Variants in RAPH1 observed in about 807,000 individuals in gnomAD.
RAPH1 encodes Ras association (RalGDS/AF-6) and pleckstrin homology domains 1, also known as ras-associated and pleckstrin homology domains-containing protein 1.
In RAPH1, 18 loss-of-function variants were observed where a neutral mutation model predicts 88.1. The observed-to-expected ratio is 0.20, with a 90% CI of 0.14 to 0.30. The LOEUF is 0.30. Among genes scored for constraint, RAPH1 ranks in the 10% least tolerant of loss-of-function variants. The pLI, the probability that RAPH1 is intolerant of heterozygous loss-of-function variation, is 1.00. For synonymous variants in RAPH1, 587 were observed against 559.0 expected (o/e 1.05, Z -0.71); for missense variants, 1,448 against 1,543.2 (o/e 0.94, Z 1.03).
chr2:203,486,061 G>GA (rs915560935), intron 4 of RAPH1, among the ~76,000 whole-genome samples: 39 of 110,986 alleles, frequency 3.5e-4, no homozygotes, highest in Non-Finnish European at 5.3e-4. Context: ...ACCAGCCTAG[G>GA]AAAAAAAACC....
intron 1 of RAPH1, among the ~76,000 whole-genome samples, chr2:203,499,424 CAAA>C (rs922725381): frequency 7.1e-6 from 1 of 139,950 alleles, no homozygotes; most frequent in Non-Finnish European, 1.6e-5. Context: ...TTAACAGCAA[CAAA>C]AAAAAAAAAA....
At chr2:203,444,784 C>T in intron 13 of RAPH1, 84 bp downstream of exon 13, 2 of 1,250,038 alleles carry the variant, frequency 1.6e-6, no homozygotes, top group South Asian at 1.4e-5. Context: ...AAATAAGATC[C>T]CCGATAAAGA....
intron 1 of RAPH1, among the ~76,000 whole-genome samples, chr2:203,521,018 G>A (rs1402028831): frequency 6.6e-6 from 1 of 152,266 alleles, no homozygotes; most frequent in Non-Finnish European, 1.5e-5. Flanking sequence ...CATAAATCAC[G>A]TCAATCATAT....
At chr2:203,461,981 A>C in intron 4 of RAPH1, 56 bp from the exon 5 acceptor site, 2 of 1,431,614 alleles carry the variant, frequency 1.4e-6, no homozygotes, top group Non-Finnish European at 9.7e-7. Flanking sequence ...ATATTTGAGA[A>C]ATCTTTTTTA....
At chr2:203,512,119 A>G (rs1029895566) in intron 1 of RAPH1, among the ~76,000 whole-genome samples, 1 of 151,960 alleles carries the variant, frequency 6.6e-6, no homozygotes, top group African/African-American at 2.4e-5. Flanking sequence ...TCCAAAAAAA[A>G]CAAAAAAGAA....
intron 1 of RAPH1, among the ~76,000 whole-genome samples, chr2:203,528,041 C>G (rs1173338522): frequency 6.6e-6 from 1 of 151,982 alleles, no homozygotes; most frequent in Non-Finnish European, 1.5e-5. Context: ...CATGGCAAAT[C>G]ATTTAAAAAA....
chr2:203,476,134 T>C (rs1687430199), intron 4 of RAPH1, among the ~76,000 whole-genome samples: 1 of 152,178 alleles, frequency 6.6e-6, no homozygotes, highest in Non-Finnish European at 1.5e-5. Context: ...TCCAAAATTT[T>C]AACAAGTAAT....
At chr2:203,486,340 T>C (rs1164218976) in intron 4 of RAPH1, among the ~76,000 whole-genome samples, 1 of 152,168 alleles carries the variant, frequency 6.6e-6, no homozygotes, top group Non-Finnish European at 1.5e-5. Flanking sequence ...ATTTCAAGTA[T>C]ATAGTCATTT....
intron 12 of RAPH1, chr2:203,445,854 T>C (rs962347982): frequency 1.3e-5 from 2 of 152,188 alleles, no homozygotes; most frequent in Non-Finnish European, 2.9e-5. Context: ...GATATCTACA[T>C]ATTAGATATT....
Position 203,448,545 on chromosome 2 carries a change from T to C in RAPH1, c.1512+193A>G, listed in dbSNP as rs1229467416. ...TTTACCAGCAATATTATTCCAAGTA[T>C]ACCAAATGTTAAAAGTTTATCCCTA... On this transcript the variant is annotated intron_variant, in intron 11 of 13. Transcript: ENST00000319170. This position sits in a 1 kb window ranked among gnomAD's most constrained non-coding sequence, Gnocchi z 4.1. 2.0e-5 allele frequency among the ~76,000 whole-genome samples: 3 copies of C among 152,184 alleles called. No individual in the cohort carries two copies. The highest frequency in any genetic ancestry group is 2.9e-5 in the Non-Finnish European group (2 of 68,032).
At chr2:203,478,485 GTTTT>G (rs145000897) in intron 4 of RAPH1, among the ~76,000 whole-genome samples, 2 of 149,582 alleles carry the variant, frequency 1.3e-5, no homozygotes, top group Non-Finnish European at 3.0e-5. Flanking sequence ...ATCATTTTTT[GTTTT>G]TTTTTGTTTT....
intron 12 of RAPH1, chr2:203,446,978 C>T (rs1299184333): frequency 6.6e-6 from 1 of 151,678 alleles, no homozygotes; most frequent in African/African-American, 2.4e-5. Context: ...TTTTGAACTA[C>T]TGGGCTCACG....
intron 1 of RAPH1, among the ~76,000 whole-genome samples, chr2:203,519,947 C>T (rs1002152389): frequency 6.6e-6 from 1 of 152,178 alleles, no homozygotes; most frequent in African/African-American, 2.4e-5. Context: ...TAAACAGAAA[C>T]AGTGCTTTTA....
Position 203,491,299 on chromosome 2 carries a change from G to A in RAPH1, c.141C>T (p.Pro47=). The A allele has an allele frequency of 3.7e-6, 6 of 1,611,460 alleles. No individual in the cohort carries two copies. The highest frequency in any genetic ancestry group is 5.1e-6 in the Non-Finnish European group (6 of 1,178,646). ...KLTQSLDSDK[P]MEPVKRSPLR... Reference sequence around the variant, plus strand: ...GAGGAGATCTTTTTACTGGTTCCATGGGCTTGTCAGAATCCAAACTCTTTA... The same window carrying A: ...GAGGAGATCTTTTTACTGGTTCCATAGGCTTGTCAGAATCCAAACTCTTTA... Residue 47 remains proline (P), a synonymous_variant, in exon 3 of 14, where the codon CCC becomes CCT. Coordinates refer to ENST00000319170, the MANE Select transcript of RAPH1 (RefSeq NM_213589.3).
At chr2:203,472,692 T>C (rs1405286223) in intron 4 of RAPH1, among the ~76,000 whole-genome samples, 1 of 152,214 alleles carries the variant, frequency 6.6e-6, no homozygotes, top group African/African-American at 2.4e-5. Context: ...TTCAGATCAT[T>C]ATATTTCAAA....
In RAPH1 at chr2:203,493,971, C is replaced by CAA. The variant is rs397937732; in HGVS notation, c.120+1261_120+1262dup. 3.3e-3 allele frequency among the ~76,000 whole-genome samples: 62 copies of CAA among 18,952 alleles called. 2 individuals carry two copies. The highest frequency in any genetic ancestry group is 6.2e-3 in the East Asian group (3 of 484). 12.4% of individuals were successfully genotyped at this position (18,952 alleles called of 152,430 possible). Reference sequence around the variant, plus strand: ...GGGCGACAGGAGTGAGACTCTATCTCAAAAAAAAAAAAAAAAAAAAAAAAA... The same window carrying CAA: ...GGGCGACAGGAGTGAGACTCTATCTCAAAAAAAAAAAAAAAAAAAAAAAAAAA... On this transcript the variant is annotated intron_variant, in intron 2 of 13. Transcript: ENST00000319170.
intron 1 of RAPH1, among the ~76,000 whole-genome samples, chr2:203,522,764 T>C (rs1025566856): frequency 4.0e-5 from 6 of 151,854 alleles, no homozygotes; most frequent in African/African-American, 1.2e-4. Context: ...TAGCCGAGCA[T>C]GGTGGCGGGC....
In RAPH1 at chr2:203,440,150, TGG is replaced by T; in HGVS notation, c.3038_3039del (p.Pro1013GlnfsTer59). ...KFTPPAESGS[P>X]SKETLPPPAA... ...GCAGGAGGTGGTAGGGTCTCCTTGCTGGGAGACCCTGATTCTGCTGGCGGTGT... is the reference window on the plus strand; with the variant it reads ...GCAGGAGGTGGTAGGGTCTCCTTGCTGAGACCCTGATTCTGCTGGCGGTGT... On this transcript the variant is annotated frameshift_variant, in exon 14 of 14. Coordinates refer to ENST00000319170, the MANE Select transcript of RAPH1 (RefSeq NM_213589.3). LOFTEE classifies it high-confidence loss of function. 6.2e-7 allele frequency: 1 copy of T among 1,613,426 alleles called. No homozygotes were observed. The highest frequency in any genetic ancestry group is 8.5e-7 in the Non-Finnish European group (1 of 1,179,792).
intron 1 of RAPH1, among the ~76,000 whole-genome samples, chr2:203,517,425 C>G (rs950164877): frequency 7.0e-6 from 1 of 141,924 alleles, no homozygotes; most frequent in Non-Finnish European, 1.5e-5. Context: ...TAGCTGGAGA[C>G]TTGAATACCT....
Sources: gnomAD v4.1 joint callset for allele counts (sites outside exome capture counted in the v4.1 genomes callset) on GRCh38, gnomAD v4.1.1 for gene constraint, Gnocchi (gnomAD v3.1) non-coding constraint, MANE v1.5 for transcripts, NCBI Gene and HGNC (gene_info 2026-07-23, HGNC 2026-07-21) for gene names.